The following AAK1 variants were observed in gnomAD, a reference collection of about 807,000 sequenced individuals.
The protein encoded by AAK1 is AP2-associated protein kinase 1.
AAK1 carries 37 observed loss-of-function variants against 116.0 expected under a neutral mutation model. The ratio of observed to expected loss-of-function variants is 0.32; its 90% confidence interval spans 0.25 to 0.42. The LOEUF is 0.42. AAK1 is among the 10% of genes least tolerant of loss of function. The probability of loss-of-function intolerance (pLI) is 1.00; values close to 1 mark genes in which losing one functional copy is unlikely to be tolerated. For missense variants in AAK1, 919 were observed against 1,170.6 expected, an observed-to-expected ratio of 0.79 and a Z score of 3.14; for synonymous variants, 458 against 439.9, an observed-to-expected ratio of 1.04 and a Z score of -0.51.
intron 2 of AAK1, among the ~76,000 whole-genome samples, chr2:69,570,746 T>C (rs1449222285): frequency 6.6e-6 from 1 of 152,226 alleles, no homozygotes; most frequent in Non-Finnish European, 1.5e-5. Context: ...ATCATGTTGC[T>C]TCCCTACTTA....
chr2:69,552,605 G>C (rs1383581144), intron 3 of AAK1, among the ~76,000 whole-genome samples: 1 of 152,078 alleles, frequency 6.6e-6, no homozygotes. Context: ...CAGCTACTCG[G>C]GAGGCTGAGG....
chr2:69,527,300 G>A lies in AAK1; in HGVS notation c.891C>T (p.Asp297=). ...HCLIRYMLEP[D]PDKRPDIYQV... is the part of the protein sequence containing the mutation. ...GGTAAATATCCGGCCTTTTGTCAGG[G>A]TCTGGTTCCAACATATACCCTAAGG... The change falls in exon 9 of 22, where the codon GAC becomes GAT. Residue 297 remains aspartate (D), a synonymous_variant. Transcript: ENST00000409085. The A allele has an allele frequency of 6.2e-7, 1 of 1,606,176 alleles. No individual in the cohort carries two copies. Among genetic ancestry groups the A allele is most frequent in the Non-Finnish European group, 8.5e-7 (1 of 1,175,530 alleles).
At chr2:69,517,931 G>A (rs2104990836) in intron 12 of AAK1, among the ~76,000 whole-genome samples, 1 of 152,278 alleles carries the variant, frequency 6.6e-6, no homozygotes, top group Admixed American at 6.5e-5. Context: ...TTTGAGACCA[G>A]CCTGGGCAAA....
chr2:69,543,685 C>T (rs952464564), intron 4 of AAK1, among the ~76,000 whole-genome samples: 2 of 152,210 alleles, frequency 1.3e-5, no homozygotes, highest in Non-Finnish European at 2.9e-5. Flanking sequence ...GGATTACAGG[C>T]ATGAGCCACC....
At chr2:69,606,488 TTGAA>T (rs201915200) in intron 2 of AAK1, among the ~76,000 whole-genome samples, 1 of 152,092 alleles carries the variant, frequency 6.6e-6, no homozygotes. Context: ...CAGCAACTTC[TTGAA>T]TGAATGAATG....
Position 69,467,734 on chromosome 2 carries a change from T to C in AAK1, c.*8135A>G. 1 of 985,356 alleles carries C rather than the reference T, an allele frequency of 1.0e-6. No homozygotes were observed. Among genetic ancestry groups the C allele is most frequent in the Non-Finnish European group, 1.2e-6 (1 of 829,910 alleles). The allele number at this position is 985,356 out of a possible 1,614,324, so 61.0% of individuals were successfully genotyped here. A position where few individuals can be genotyped will look rare whatever the true frequency, so the allele number is the denominator to read the frequency against. Reference sequence around the variant, plus strand: ...AGCTAGCAGAAATTTCTGCCAAAAATTATCCCCTGCTAAAGTTTCTGCATG... The same window carrying C: ...AGCTAGCAGAAATTTCTGCCAAAAACTATCCCCTGCTAAAGTTTCTGCATG... On this transcript the variant is annotated 3_prime_UTR_variant, in exon 22 of 22. Coordinates refer to ENST00000409085, the MANE Select transcript of AAK1 (RefSeq NM_014911.5).
In AAK1 at chr2:69,466,353, C is replaced by A; in HGVS notation, c.*9516G>T. 3.9e-6 allele frequency: 5 copies of A among 1,289,840 alleles called. No individual in the cohort carries two copies. Among genetic ancestry groups the A allele is most frequent in the Non-Finnish European group, 5.1e-6 (5 of 988,884 alleles). The allele number at this position is 1,289,840 out of a possible 1,614,324, so 79.9% of individuals were successfully genotyped here. ...CAGCATGTCTCCTTCAAGGTCAGTC[C>A]CTTCCTCTTCGCTGCTGTGGAATGA... On this transcript the variant is annotated 3_prime_UTR_variant, in exon 22 of 22. Transcript: ENST00000409085.
At chr2:69,640,284 G>A (rs1675661347) in intron 2 of AAK1, among the ~76,000 whole-genome samples, 1 of 151,866 alleles carries the variant, frequency 6.6e-6, no homozygotes, top group African/African-American at 2.4e-5. Context: ...TACAGAGTGA[G>A]GCCTGAGAAT....
chr2:69,493,050 C>T (rs183041920), intron 17 of AAK1, among the ~76,000 whole-genome samples: 2 of 149,814 alleles, frequency 1.3e-5, no homozygotes, highest in East Asian at 2.0e-4. Context: ...AAAAAGGATG[C>T]AGTAAGGCTG....
At chr2:69,600,055 T>A (rs1673499546) in intron 2 of AAK1, among the ~76,000 whole-genome samples, 1 of 152,042 alleles carries the variant, frequency 6.6e-6, no homozygotes, top group Non-Finnish European at 1.5e-5. Flanking sequence ...GTGCTAGAAT[T>A]ACAGGCATGA....
At chr2:69,553,906 T>C (rs1417924024) in intron 3 of AAK1, among the ~76,000 whole-genome samples, 2 of 149,572 alleles carry the variant, frequency 1.3e-5, no homozygotes, top group Admixed American at 6.6e-5. Flanking sequence ...CAAGACCTTG[T>C]CTCTAAGGAA....
In AAK1 at chr2:69,467,910, C is replaced by T. The variant is rs1054313525; in HGVS notation, c.*7959G>A. ...CAAAAATACTATGTTTCTCTGAATC[C>T]TATAACTTTTTAGCAGTGCTTCTTT... On this transcript the variant is annotated 3_prime_UTR_variant, in exon 22 of 22. Coordinates refer to ENST00000409085, the MANE Select transcript of AAK1 (RefSeq NM_014911.5). The T allele has an allele frequency of 1.6e-5, 16 of 985,132 alleles. No homozygotes were observed. In the African/African-American group the frequency reaches 2.8e-4, roughly 17 times the overall value. 61.0% of individuals were successfully genotyped at this position (985,132 alleles called of 1,614,324 possible). A position where few individuals can be genotyped will look rare whatever the true frequency, so the allele number is the denominator to read the frequency against.
Position 69,519,150 on chromosome 2 carries a change from T to C in AAK1, c.1301A>G (p.Lys434Arg). ...TGGAGTGGGAGGAGCCTGTGGCTGC[T>C]TGGCCTGAGTTTGCGGCAGAGGCTG... ...PSQPLPQTQA[K>R]QPQAPPTPQQ... Residue 434 changes from lysine to arginine, a missense_variant, in exon 12 of 22, where the codon AAG becomes AGG. This residue lies in a region of AAK1 where 214 missense variants were observed against 210.6 expected (regional missense o/e 1.02). Transcript: ENST00000409085. The C allele has an allele frequency of 6.3e-7, 1 of 1,577,542 alleles. No individual in the cohort carries two copies. The highest frequency in any genetic ancestry group is 1.2e-5 in the South Asian group (1 of 85,964).
At chr2:69,523,274 G>T (rs1353522990) in intron 10 of AAK1, among the ~76,000 whole-genome samples, 1 of 152,124 alleles carries the variant, frequency 6.6e-6, no homozygotes, top group Admixed American at 6.5e-5. Context: ...ACTTAAATCA[G>T]CCCCAAAACA....
chr2:69,516,771 C>T (rs1429070425), intron 12 of AAK1: 1 of 152,178 alleles, frequency 6.6e-6, no homozygotes, highest in African/African-American at 2.4e-5. Context: ...GTGGTGTGCA[C>T]CTGTAGTCCC....
intron 5 of AAK1, among the ~76,000 whole-genome samples, chr2:69,533,361 G>A (rs1054836896): frequency 1.4e-4 from 22 of 152,060 alleles, no homozygotes; most frequent in African/African-American, 4.8e-4. Context: ...CGCAAGATAG[G>A]AGCCACCAAA....
intron 2 of AAK1, among the ~76,000 whole-genome samples, chr2:69,574,930 T>C (rs779791827): frequency 1.3e-5 from 2 of 151,444 alleles, no homozygotes; most frequent in South Asian, 2.1e-4. Flanking sequence ...AGTTCATACA[T>C]TGAACTATCA....
At chr2:69,591,727 C>T (rs1446235996) in intron 2 of AAK1, among the ~76,000 whole-genome samples, 3 of 151,904 alleles carry the variant, frequency 2.0e-5, no homozygotes, top group African/African-American at 7.3e-5. Context: ...CCCACCGCCA[C>T]GCCTGGCTAA....
At chr2:69,625,398 C>A (rs1313029496) in intron 2 of AAK1, among the ~76,000 whole-genome samples, 2 of 152,228 alleles carry the variant, frequency 1.3e-5, no homozygotes, top group African/African-American at 4.8e-5. Context: ...GAAGAGCAAG[C>A]TGTCTGTCTC....
Sources: gnomAD v4.1 joint callset for allele counts (sites outside exome capture counted in the v4.1 genomes callset) on GRCh38, gnomAD v4.1.1 for gene constraint, gnomAD v4.1.1 regional missense constraint, MANE v1.5 for transcripts, NCBI Gene and HGNC (gene_info 2026-07-23, HGNC 2026-07-21) for gene names.